Variants in MSTO1 observed in about 807,000 individuals in gnomAD.
The protein encoded by MSTO1 is protein misato homolog 1.
A neutral mutation model predicts 55.7 loss-of-function variants in MSTO1; 24 were observed. The observed-to-expected ratio is 0.43, with a 90% CI of 0.31 to 0.61. The LOEUF (loss-of-function observed/expected upper bound fraction) is 0.61, where lower values mean the gene tolerates loss of function less well. Among genes scored for constraint, MSTO1 ranks in the 20% least tolerant of loss-of-function variants. The pLI is 0.09. For synonymous variants in MSTO1, 162 were observed against 252.8 expected, an observed-to-expected ratio of 0.64 and a Z score of 3.41; for missense variants, 363 against 625.7, an observed-to-expected ratio of 0.58 and a Z score of 4.48.
chr1:155,573,624 G>C, the MSTO1 span, among the ~76,000 whole-genome samples: 1 of 151,752 alleles, frequency 6.6e-6, no homozygotes, highest in Non-Finnish European at 1.5e-5. Flanking sequence ...GATCACCTAA[G>C]GTCAGGAGTT....
the MSTO1 span, among the ~76,000 whole-genome samples, chr1:155,582,319 G>T: frequency 1.3e-5 from 2 of 152,174 alleles, no homozygotes; most frequent in Non-Finnish European, 2.9e-5. Context: ...AAATCAGTAC[G>T]CAATTTTTCA....
the MSTO1 span, among the ~76,000 whole-genome samples, chr1:155,570,123 G>A: frequency 6.6e-6 from 1 of 152,120 alleles, no homozygotes; most frequent in Non-Finnish European, 1.5e-5. Flanking sequence ...CAATACCTCA[G>A]TGGTGTACCA....
chr1:155,569,042 C>T, the MSTO1 span, among the ~76,000 whole-genome samples: 3 of 151,726 alleles, frequency 2.0e-5, no homozygotes, highest in East Asian at 3.9e-4. Context: ...TTAGTAGAGC[C>T]GGGGTTTCAG....
chr1:155,574,954 C>T, the MSTO1 span, among the ~76,000 whole-genome samples: 1 of 151,206 alleles, frequency 6.6e-6, no homozygotes, highest in African/African-American at 2.4e-5. Flanking sequence ...GCAACCTCCA[C>T]CTCCCGGGTT....
chr1:155,611,462 G>A (rs1674006878), intron 4 of MSTO1, 87 bp from the exon 5 acceptor site: 1 of 1,613,374 alleles, frequency 6.2e-7, no homozygotes, highest in East Asian at 2.2e-5. Flanking sequence ...AGGCTATGCG[G>A]TGTGGCCAGC....
chr1:155,594,598 G>A, the MSTO1 span, among the ~76,000 whole-genome samples: 1 of 151,686 alleles, frequency 6.6e-6, no homozygotes, highest in East Asian at 1.9e-4. Context: ...ACATCATTCT[G>A]GAACCACCTA....
the MSTO1 span, among the ~76,000 whole-genome samples, chr1:155,599,076 G>A: frequency 1.6e-4 from 25 of 152,206 alleles, no homozygotes; most frequent in African/African-American, 5.5e-4. Flanking sequence ...TTGGAAAGCC[G>A]AGGCAGGCGG....
chr1:155,614,947 C>T lies in MSTO1; in HGVS notation c.*674C>T. The T allele has an allele frequency of 1.9e-6, 2 of 1,063,510 alleles. No individual in the cohort carries two copies. Among genetic ancestry groups the T allele is most frequent in the Non-Finnish European group, 2.8e-6 (2 of 704,536 alleles). The allele number at this position is 1,063,510 out of a possible 1,614,324, so 65.9% of individuals were successfully genotyped here. ...TTATGAAGCACTATATATTGATTTG[C>T]AAAATCTTTTGTTTATTCCACACAG... is the stretch of plus-strand genomic sequence containing the variant. On this transcript the variant is annotated 3_prime_UTR_variant, in exon 14 of 14. Coordinates refer to ENST00000245564, the MANE Select transcript of MSTO1 (RefSeq NM_018116.4).
the MSTO1 span, among the ~76,000 whole-genome samples, chr1:155,581,089 C>G: frequency 6.6e-6 from 1 of 152,056 alleles, no homozygotes; most frequent in East Asian, 1.9e-4. Flanking sequence ...CTTCAAAAGA[C>G]TAAGGCAACT....
the MSTO1 span, among the ~76,000 whole-genome samples, chr1:155,575,713 G>A: frequency 6.6e-6 from 1 of 151,666 alleles, no homozygotes; most frequent in Non-Finnish European, 1.5e-5. Context: ...CAAAGTGCTG[G>A]GATTGCAGGT....
downstream of MSTO1, chr1:155,614,958 G>A: frequency 1.1e-6 from 1 of 932,536 alleles, no homozygotes; most frequent in Non-Finnish European, 1.7e-6. Flanking sequence ...AAAATCTTTT[G>A]TTTATTCCAC....
upstream of MSTO1, among the ~76,000 whole-genome samples, chr1:155,609,452 G>A (rs965559403): frequency 4.0e-5 from 6 of 150,260 alleles, no homozygotes; most frequent in African/African-American, 1.5e-4. Flanking sequence ...GTTTCACCGT[G>A]TTAGCCAGGA....
chr1:155,612,613 G>GC (rs1243116121), intron 9 of MSTO1, 43 bp downstream of exon 9: 1 of 1,567,164 alleles, frequency 6.4e-7, no homozygotes, highest in East Asian at 2.2e-5. Context: ...AGGCTACAGG[G>GC]CCTCCTCATG....
chr1:155,579,137 G>T, the MSTO1 span, among the ~76,000 whole-genome samples: 2 of 151,348 alleles, frequency 1.3e-5, no homozygotes, highest in African/African-American at 2.4e-5. Context: ...GAGAAACCCC[G>T]TCTCTACTGA....
chr1:155,577,313 C>T, the MSTO1 span, among the ~76,000 whole-genome samples: 4 of 152,076 alleles, frequency 2.6e-5, no homozygotes, highest in African/African-American at 9.6e-5. Flanking sequence ...TGGTCTCGAT[C>T]TCCTGACCTC....
chr1:155,575,067 A>G, the MSTO1 span, among the ~76,000 whole-genome samples: 3 of 151,660 alleles, frequency 2.0e-5, no homozygotes, highest in East Asian at 1.9e-4. Flanking sequence ...GAGTTTTGCC[A>G]TGTTGACCAG....
intron 11 of MSTO1, 31 bp from the exon 12 acceptor site, chr1:155,613,431 A>C: frequency 6.2e-7 from 1 of 1,613,578 alleles, no homozygotes; most frequent in Non-Finnish European, 8.5e-7. Flanking sequence ...GCAGCCACAG[A>C]CTAATGGTGG....
chr1:155,613,490 T>G lies in MSTO1; in HGVS notation c.1312T>G (p.Ser438Ala). ...SQLTPGTPPP[S>A]ALHACTTGEE... is the part of the protein sequence containing the mutation. ...GCTCACCCCAGGGACACCTCCACCC[T>G]CTGCCCTTCATGCATGTACCACTGG... Residue 438 changes from serine (S) to alanine (A), a missense_variant, in exon 12 of 14, where the codon TCT becomes GCT. Ser to Ala is a moderately conservative substitution (Grantham distance 99). Around this residue, in one of 3 missense-constraint regions of MSTO1, gnomAD observed 231 missense variants for 286.9 expected, o/e 0.81. Coordinates refer to ENST00000245564, the MANE Select transcript of MSTO1 (RefSeq NM_018116.4). 1.2e-6 allele frequency: 2 copies of G among 1,614,046 alleles called. No individual in the cohort carries two copies. Among genetic ancestry groups the G allele is most frequent in the Non-Finnish European group, 1.7e-6 (2 of 1,179,962 alleles).
chr1:155,602,464 G>A, the MSTO1 span, among the ~76,000 whole-genome samples: 3 of 152,004 alleles, frequency 2.0e-5, no homozygotes, highest in East Asian at 3.9e-4. Context: ...CGACAAGAGC[G>A]AAACTCCATC....
Sources: gnomAD v4.1 joint callset for allele counts (sites outside exome capture counted in the v4.1 genomes callset) on GRCh38, gnomAD v4.1.1 for gene constraint, gnomAD v4.1.1 regional missense constraint, MANE v1.5 for transcripts, NCBI Gene and HGNC (gene_info 2026-07-23, HGNC 2026-07-21) for gene names.